ATOX1: variants seen among roughly 807,000 people sequenced by gnomAD.
The protein encoded by ATOX1 is antioxidant 1 copper chaperone, also known as copper transport protein ATOX1.
A neutral mutation model predicts 7.3 loss-of-function variants in ATOX1; 4 were observed. The ratio of observed to expected loss-of-function variants is 0.55; its 90% confidence interval spans 0.27 to 1.25. The LOEUF is 1.25. Ranked by LOEUF, ATOX1 falls within the 50% of genes most tolerant of loss-of-function variation. The pLI, the probability that ATOX1 is intolerant of heterozygous loss-of-function variation, is 0.12. For missense variants in ATOX1, 68 were observed against 81.6 expected, an observed-to-expected ratio of 0.83 and a Z score of 0.64; for synonymous variants, 25 against 28.7, an observed-to-expected ratio of 0.87 and a Z score of 0.41.
At chr5:151,743,633 T>C (rs1438396096) in intron 3 of ATOX1, 1 of 152,172 alleles carries the variant, frequency 6.6e-6, no homozygotes, top group African/African-American at 2.4e-5. Context: ...GGAGTGGGCA[T>C]GATGTCTAGA....
At chr5:151,752,294 A>T (rs1203162276) in intron 1 of ATOX1, 1 of 702,522 alleles carries the variant, frequency 1.4e-6, no homozygotes. Flanking sequence ...TCTACTCATT[A>T]CCCCAGGTGA....
At chr5:151,744,250 G>A (rs1015401066) in intron 3 of ATOX1, 1 of 152,108 alleles carries the variant, frequency 6.6e-6, no homozygotes, top group Non-Finnish European at 1.5e-5. Flanking sequence ...ATACAACATT[G>A]TGAACACACC....
intron 2 of ATOX1, among the ~76,000 whole-genome samples, chr5:151,750,646 T>C (rs1761938503): frequency 7.2e-6 from 1 of 138,780 alleles, no homozygotes; most frequent in Non-Finnish European, 1.6e-5. Context: ...TTTTCTTTCT[T>C]TTTTTTTTTT....
intron 3 of ATOX1, chr5:151,745,144 G>A: frequency 6.6e-6 from 1 of 152,174 alleles, no homozygotes; most frequent in Non-Finnish European, 1.5e-5. Context: ...ACAGAACACT[G>A]CTATGACTCA....
rs768626968 is a variant in ATOX1, at chr5:151,758,579, G to C, written c.-28C>G. 2.1e-6 allele frequency: 3 copies of C among 1,419,972 alleles called. No homozygotes were observed. Among genetic ancestry groups the C allele is most frequent in the Admixed American group, 2.9e-5 (1 of 34,624 alleles). 88.0% of individuals were successfully genotyped at this position (1,419,972 alleles called of 1,614,324 possible). ...CTGAGGCAGCGGCGGTGTGGCGGCG[G>C]TGTGGCGGCGGTGTCAGCAGCGCCT... is the stretch of plus-strand genomic sequence containing the variant. On this transcript the variant is annotated 5_prime_UTR_variant, in exon 1 of 4. Coordinates refer to ENST00000313115, the MANE Select transcript of ATOX1 (RefSeq NM_004045.4).
At chr5:151,751,302 A>G (rs959298919) in intron 2 of ATOX1, among the ~76,000 whole-genome samples, 1 of 151,720 alleles carries the variant, frequency 6.6e-6, no homozygotes, top group African/African-American at 2.4e-5. Context: ...TGACACTCAG[A>G]TGTGTCATGC....
chr5:151,754,209 T>C (rs1393362477), intron 1 of ATOX1: 1 of 152,204 alleles, frequency 6.6e-6, no homozygotes, highest in African/African-American at 2.4e-5. Context: ...AAATGCAGAA[T>C]CTCAGGTCCC....
chr5:151,746,628 C>G, intron 2 of ATOX1, 179 bp from the exon 3 acceptor site: 1 of 648,070 alleles, frequency 1.5e-6, no homozygotes, highest in Non-Finnish European at 2.6e-6. Context: ...CATTGTGGGT[C>G]ACATATAGAC....
At chr5:151,745,236 G>A (rs1393747447) in intron 3 of ATOX1, 1 of 152,178 alleles carries the variant, frequency 6.6e-6, no homozygotes, top group African/African-American at 2.4e-5. Flanking sequence ...TGTCCAGGGG[G>A]TCTCTGTGGG....
rs561332421 is a variant in ATOX1 at position 151,742,870 on chromosome 5, G to C, written c.*136C>G. On this transcript the variant is annotated 3_prime_UTR_variant, in exon 4 of 4. Coordinates refer to ENST00000313115, the MANE Select transcript of ATOX1 (RefSeq NM_004045.4). ...ATTGCAGGGAAGCTAGGAAGGAATA[G>C]GACAACTGAGGGTCTCCGCAGGAAC... The C allele has an allele frequency of 1.3e-5, 2 of 152,330 alleles. No homozygotes were observed. Among genetic ancestry groups the C allele is most frequent in the African/African-American group, 4.8e-5 (2 of 41,468 alleles). The allele number at this position is 152,330 out of a possible 1,614,324, so 9.4% of individuals were successfully genotyped here.
intron 2 of ATOX1, among the ~76,000 whole-genome samples, chr5:151,749,986 C>T (rs1043181538): frequency 1.3e-5 from 2 of 152,156 alleles, no homozygotes; most frequent in African/African-American, 4.8e-5. Flanking sequence ...GAGATCACGT[C>T]CATGTGGAAG....
chr5:151,754,980 C>CAAAAAAAAAAA (rs79359321), intron 1 of ATOX1, among the ~76,000 whole-genome samples: 1 of 48,878 alleles, frequency 2.0e-5, no homozygotes, highest in Non-Finnish European at 4.4e-5. Context: ...AGACACCGTC[C>CAAAAAAAAAAA]AAAAAAAAAA....
chr5:151,758,261 C>G (rs1762039812), intron 1 of ATOX1, among the ~76,000 whole-genome samples: 1 of 152,260 alleles, frequency 6.6e-6, no homozygotes, highest in South Asian at 2.1e-4. Flanking sequence ...CCTGCCCCCT[C>G]TCTGGTTCTG....
chr5:151,758,330 G>A (rs1762040466), intron 1 of ATOX1, among the ~76,000 whole-genome samples: 1 of 152,242 alleles, frequency 6.6e-6, no homozygotes, highest in African/African-American at 2.4e-5. Flanking sequence ...TTCCAGCTCC[G>A]ACGTTTTGAA....
At chr5:151,749,946 A>T (rs1412019602) in intron 2 of ATOX1, among the ~76,000 whole-genome samples, 1 of 152,244 alleles carries the variant, frequency 6.6e-6, no homozygotes, top group African/African-American at 2.4e-5. Context: ...CATTCCAAAG[A>T]TGGAAAGTAC....
At chr5:151,747,706 A>T (rs1761896094) in intron 2 of ATOX1, among the ~76,000 whole-genome samples, 1 of 151,768 alleles carries the variant, frequency 6.6e-6, no homozygotes, top group South Asian at 2.1e-4. Flanking sequence ...TGCCTCAGCC[A>T]GCCTCCCGAG....
intron 1 of ATOX1, among the ~76,000 whole-genome samples, chr5:151,756,313 G>C (rs1333887494): frequency 6.6e-6 from 1 of 151,998 alleles, no homozygotes; most frequent in Non-Finnish European, 1.5e-5. Flanking sequence ...CGGTGATTCG[G>C]CTGAGTAGGG....
At chr5:151,752,244 A>C (rs1761961033) in intron 1 of ATOX1, 1 of 702,402 alleles carries the variant, frequency 1.4e-6, no homozygotes, top group South Asian at 1.5e-5. Flanking sequence ...CAAAAACTAC[A>C]GGTTCTGGTC....
chr5:151,750,508 T>G (rs1359365916), intron 2 of ATOX1, among the ~76,000 whole-genome samples: 4 of 37,346 alleles, frequency 1.1e-4, no homozygotes, highest in African/African-American at 2.2e-4. Flanking sequence ...AGACTTCATC[T>G]CAAAAAAAAA....
Sources: gnomAD v4.1 joint callset for allele counts (sites outside exome capture counted in the v4.1 genomes callset) on GRCh38, gnomAD v4.1.1 for gene constraint, MANE v1.5 for transcripts, NCBI Gene and HGNC (gene_info 2026-07-23, HGNC 2026-07-21) for gene names.